The following CYRIA variants were observed in gnomAD, a reference collection of about 807,000 sequenced individuals.
CYRIA encodes the protein CYFIP-related Rac1 interactor A.
Under a neutral mutation model 43.9 loss-of-function variants are expected in CYRIA, and 15 were observed. That is an observed-to-expected ratio of 0.34 (90% CI 0.23 to 0.53). The LOEUF (loss-of-function observed/expected upper bound fraction) is 0.53, where lower values mean the gene tolerates loss of function less well. Among genes scored for constraint, CYRIA ranks in the 20% least tolerant of loss-of-function variants. The pLI is 0.94. For synonymous variants in CYRIA, 117 were observed against 136.0 expected (o/e 0.86, Z 0.97); for missense variants, 236 against 394.2 (o/e 0.60, Z 3.40).
intron 1 of CYRIA, among the ~76,000 whole-genome samples, chr2:16,630,140 C>T (rs896196164): frequency 1.3e-5 from 2 of 152,176 alleles, no homozygotes; most frequent in East Asian, 3.9e-4. Flanking sequence ...TACCAGCCCT[C>T]GCCCCACTCT....
rs564171977 is a variant in CYRIA, at chr2:16,627,985, C to T, written c.-166-3966G>A. On this transcript the variant is annotated intron_variant, in intron 1 of 11. Coordinates refer to ENST00000381323, the MANE Select transcript of CYRIA (RefSeq NM_030797.4). ...TGGAGCAGCTGGGCGGGCAGGCAGG[C>T]GGTTCCCTTTCTGCATCCCCAGCAC... Among the ~76,000 whole-genome samples the T allele has an allele frequency of 1.1e-3, 163 of 152,292 alleles. 1 individual carries two copies. Among genetic ancestry groups the T allele is most frequent in the African/African-American group, 3.8e-3 (159 of 41,564 alleles).
chr2:16,619,163 C>T (rs1040639005), intron 2 of CYRIA, among the ~76,000 whole-genome samples: 1 of 152,130 alleles, frequency 6.6e-6, no homozygotes, highest in African/African-American at 2.4e-5. Flanking sequence ...GGGAAGTGTG[C>T]AGGTGAAAGA....
At chr2:16,609,898 G>A (rs932445473) in intron 2 of CYRIA, among the ~76,000 whole-genome samples, 2 of 152,104 alleles carry the variant, frequency 1.3e-5, no homozygotes, top group African/African-American at 4.8e-5. Context: ...TATCCAGAAC[G>A]GTTTCCAGGC....
Position 16,657,907 on chromosome 2 carries a change from T to A in CYRIA, c.-167+7873A>T, listed in dbSNP as rs533152875. On this transcript the variant is annotated intron_variant, in intron 1 of 11. Coordinates refer to ENST00000381323, the MANE Select transcript of CYRIA (RefSeq NM_030797.4). ...TTTTGCTTTCAAATGCATGATGAAATAAACTTCCCATTTTCAGAGCTTTTT... is the reference window on the plus strand; with the variant it reads ...TTTTGCTTTCAAATGCATGATGAAAAAAACTTCCCATTTTCAGAGCTTTTT... Among the ~76,000 whole-genome samples the A allele has an allele frequency of 2.9e-3, 443 of 152,318 alleles. 6 individuals are homozygous for A. The highest frequency in any genetic ancestry group is 0.01 in the African/African-American group (422 of 41,570).
intron 9 of CYRIA, 181 bp downstream of exon 9, chr2:16,560,809 T>G (rs1666698803): frequency 3.3e-6 from 2 of 612,918 alleles, no homozygotes; most frequent in Admixed American, 5.7e-5. Context: ...CTCAGCTTCT[T>G]CAGCTATGCA....
At chr2:16,658,640 C>T (rs2103556789) in intron 1 of CYRIA, among the ~76,000 whole-genome samples, 1 of 152,340 alleles carries the variant, frequency 6.6e-6, no homozygotes, top group East Asian at 1.9e-4. Context: ...CTTGGAAAAG[C>T]CACTGGTCTC....
chr2:16,607,313 G>A (rs1427457283), intron 2 of CYRIA, among the ~76,000 whole-genome samples: 3 of 151,708 alleles, frequency 2.0e-5, no homozygotes, highest in Non-Finnish European at 4.4e-5. Flanking sequence ...CAGGCAGGGA[G>A]GGGCGGGTGG....
At chr2:16,605,512 C>T (rs1236768808) in intron 2 of CYRIA, among the ~76,000 whole-genome samples, 2 of 152,202 alleles carry the variant, frequency 1.3e-5, no homozygotes, top group Non-Finnish European at 2.9e-5. Context: ...TGGACACTCT[C>T]AGCCTACCCA....
intron 1 of CYRIA, among the ~76,000 whole-genome samples, chr2:16,659,738 C>T (rs1670199121): frequency 3.3e-5 from 5 of 152,200 alleles, no homozygotes; most frequent in Admixed American, 3.3e-4. Context: ...CTCATTGTTC[C>T]TCATGATCGA....
chr2:16,610,603 T>G (rs1350260479), intron 2 of CYRIA, among the ~76,000 whole-genome samples: 2 of 152,140 alleles, frequency 1.3e-5, no homozygotes, highest in African/African-American at 4.8e-5. Flanking sequence ...GGCCCAGTCC[T>G]GTTCAGGTAC....
At chr2:16,616,476 AGAG>A (rs574801649) in intron 2 of CYRIA, among the ~76,000 whole-genome samples, 229 of 152,108 alleles carry the variant, frequency 1.5e-3, no homozygotes, top group Non-Finnish European at 1.3e-3. Flanking sequence ...ACTCCCTCTG[AGAG>A]GACTCCTCGC....
intron 2 of CYRIA, among the ~76,000 whole-genome samples, chr2:16,605,283 C>G (rs1200794048): frequency 6.6e-6 from 1 of 152,134 alleles, no homozygotes; most frequent in Non-Finnish European, 1.5e-5. Flanking sequence ...CAAAAAGTAC[C>G]CAAGAAATGA....
Position 16,559,495 on chromosome 2 carries a change from G to A in CYRIA, c.802C>T (p.Pro268Ser), listed in dbSNP as rs761031751. 1.9e-6 allele frequency: 3 copies of A among 1,612,852 alleles called. No individual in the cohort carries two copies. Among genetic ancestry groups the A allele is most frequent in the African/African-American group, 1.3e-5 (1 of 74,798 alleles). ...GATGTCTTGCAGAAAGCTCCCACAG[G>A]GTGGACATGGTCATAGAGGATGATG... Reference protein sequence around the residue: ...GVIILYDHVHPVGAFCKTSKI... With the variant: ...GVIILYDHVHSVGAFCKTSKI... The change falls in exon 10 of 12, where the codon CCT becomes TCT. Residue 268 changes from proline (P) to serine (S), a missense_variant. Around this residue, in one of 3 missense-constraint regions of CYRIA, gnomAD observed 3 missense variants for 28.2 expected, o/e 0.11. Coordinates refer to ENST00000381323, the MANE Select transcript of CYRIA (RefSeq NM_030797.4).
chr2:16,591,701 G>A (rs937598525), intron 2 of CYRIA, among the ~76,000 whole-genome samples: 1 of 152,130 alleles, frequency 6.6e-6, no homozygotes, highest in Non-Finnish European at 1.5e-5. Flanking sequence ...CCCAAGGGAC[G>A]TCAGTTTACC....
intron 1 of CYRIA, among the ~76,000 whole-genome samples, chr2:16,626,110 G>T (rs11892967): frequency 0.17 from 25,684 of 151,932 alleles, 2,642 homozygotes; most frequent in African/African-American, 0.29. Flanking sequence ...CAGTCACCTG[G>T]TAACTTGAAC....
In CYRIA at chr2:16,564,059, T is replaced by A; in HGVS notation, c.228A>T (p.Glu76Asp). ...GAGGGCACACCGCATTCCAAGCTTT[T>A]TCTTGAAGCTGAATGTCATTGGGAT... is the stretch of plus-strand genomic sequence containing the variant. ...IQNPNDIQLQ[E>D]KAWNAVCPLV... is the part of the protein sequence containing the mutation. The change falls in exon 5 of 12, where the codon GAA becomes GAT. Residue 76 changes from glutamate to aspartate, a missense_variant. By Grantham distance (45) the Glu-to-Asp change is conservative. Around this residue, in one of 3 missense-constraint regions of CYRIA, gnomAD observed 193 missense variants for 303.9 expected, o/e 0.64. Coordinates refer to ENST00000381323, the MANE Select transcript of CYRIA (RefSeq NM_030797.4). The A allele has an allele frequency of 1.2e-6, 2 of 1,613,668 alleles. No homozygotes were observed. Among genetic ancestry groups the A allele is most frequent in the Non-Finnish European group, 1.7e-6 (2 of 1,179,744 alleles).
At chr2:16,665,246 G>A (rs1670359019) in intron 1 of CYRIA, among the ~76,000 whole-genome samples, 1 of 152,104 alleles carries the variant, frequency 6.6e-6, no homozygotes, top group Non-Finnish European at 1.5e-5. Flanking sequence ...AGGAGAGAGG[G>A]TGACGGCAAG....
rs574221205 is a variant in CYRIA at position 16,552,007 on chromosome 2, G to A, written c.*929C>T. On this transcript the variant is annotated 3_prime_UTR_variant, in exon 12 of 12. Coordinates refer to ENST00000381323, the MANE Select transcript of CYRIA (RefSeq NM_030797.4). ...TTCTGGTAACTAATGCAGTATCCTAGACCTTTGTTCTCATATGAATGGTCT... is the reference window on the plus strand; with the variant it reads ...TTCTGGTAACTAATGCAGTATCCTAAACCTTTGTTCTCATATGAATGGTCT... 12 of 152,096 alleles carry A rather than the reference G, an allele frequency of 7.9e-5. No homozygotes were observed. The highest frequency in any genetic ancestry group is 2.9e-4 in the African/African-American group (12 of 41,512). 9.4% of individuals were successfully genotyped at this position (152,096 alleles called of 1,614,324 possible). A position where few individuals can be genotyped will look rare whatever the true frequency, so the allele number is the denominator to read the frequency against.
chr2:16,648,692 A>T (rs1159090089), intron 1 of CYRIA, among the ~76,000 whole-genome samples: 1 of 152,218 alleles, frequency 6.6e-6, no homozygotes, highest in African/African-American at 2.4e-5. Context: ...TTCCCAGATT[A>T]TTGGAGCAGC....
Sources: allele counts gnomAD v4.1 joint callset (sites outside exome capture counted in the v4.1 genomes callset), GRCh38; gene constraint gnomAD v4.1.1; regional missense constraint gnomAD v4.1.1; transcripts MANE v1.5; gene names NCBI Gene and HGNC (gene_info 2026-07-23, HGNC 2026-07-21).